The following TRPM1 variants were observed in gnomAD, a reference collection of about 807,000 sequenced individuals.
TRPM1 encodes transient receptor potential cation channel subfamily M member 1.
A neutral mutation model predicts 149.4 loss-of-function variants in TRPM1; 113 were observed. The ratio of observed to expected loss-of-function variants is 0.76; its 90% CI spans 0.65 to 0.88. The LOEUF (loss-of-function observed/expected upper bound fraction) is 0.88, where lower values mean the gene tolerates loss of function less well. TRPM1 is among the 40% of genes least tolerant of loss of function. TRPM1 has a pLI of 0.00. For synonymous variants in TRPM1, 741 were observed against 759.5 expected, an observed-to-expected ratio of 0.98 and a Z score of 0.40; for missense variants, 1,976 against 2,038.7, an observed-to-expected ratio of 0.97 and a Z score of 0.59.
At chr15:31,071,678 T>C (rs2034543025) in intron 3 of TRPM1, among the ~76,000 whole-genome samples, 2 of 151,992 alleles carry the variant, frequency 1.3e-5, no homozygotes, top group Admixed American at 1.3e-4. Flanking sequence ...AAGTATGTGA[T>C]TCAGGCCAGG....
chr15:31,063,159 C>T lies in TRPM1; in HGVS notation c.924G>A (p.Ser308=), dbSNP rs376610188. 2.8e-4 allele frequency: 458 copies of T among 1,614,078 alleles called. No homozygotes were observed. The highest frequency in any genetic ancestry group is 3.7e-4 in the Non-Finnish European group (438 of 1,180,048). Residue 308 remains serine (S), a synonymous_variant, in exon 8 of 28, where the codon TCG becomes TCA. Transcript: ENST00000256552. ...VVICDGSGRA[S]DILSFAHKYC... ...ACTTGTGCGCAAAGGACAGGATGTC[C>T]GAGGCACGTCCGCTGCCATCACAAA...
chr15:31,044,618 T>C (rs1030605189), intron 16 of TRPM1, among the ~76,000 whole-genome samples: 2 of 151,814 alleles, frequency 1.3e-5, no homozygotes, highest in African/African-American at 2.4e-5. Flanking sequence ...CCATCTCTAC[T>C]AAAAATGCAA....
chr15:31,095,863 G>A (rs1357965374), intron 1 of TRPM1, among the ~76,000 whole-genome samples: 3 of 151,728 alleles, frequency 2.0e-5, no homozygotes, highest in African/African-American at 7.3e-5. Flanking sequence ...GGCCAACGTG[G>A]TGAAACCCCA....
At chr15:31,156,654 C>A (rs533793180) in intron 1 of TRPM1, among the ~76,000 whole-genome samples, 73 of 152,290 alleles carry the variant, frequency 4.8e-4, no homozygotes, top group African/African-American at 1.7e-3. Context: ...GTATACCTCA[C>A]ATGTATTGAC....
intron 1 of TRPM1, among the ~76,000 whole-genome samples, chr15:31,127,853 G>A (rs933501971): frequency 2.6e-5 from 4 of 152,196 alleles, no homozygotes; most frequent in African/African-American, 4.8e-5. Flanking sequence ...ACAAGGACGC[G>A]AACCAGTGGG....
chr15:31,049,431 C>G lies in TRPM1; in HGVS notation c.1516G>C (p.Gly506Arg). ...GTCAGAAAGTGTTGCATGTTCACTC[C>G]GTTTTCAATCAGGAGCTTCACAAAG... ...VDFVKLLIEN[G>R]VNMQHFLTIP... Residue 506 changes from glycine (G) to arginine (R), a missense_variant, in exon 13 of 28, where the codon GGA (glycine) becomes CGA (arginine). This residue lies in a region of TRPM1 where 1,332 missense variants were observed against 1,347.1 expected (regional missense o/e 0.99). Transcript: ENST00000256552. 1 of 1,614,156 alleles carries G rather than the reference C, an allele frequency of 6.2e-7. No homozygotes were observed.
exon 1 of TRPM1, chr15:31,160,978 G>C (rs1002132635): frequency 2.3e-5 from 36 of 1,535,312 alleles, no homozygotes; most frequent in Non-Finnish European, 2.9e-5. Flanking sequence ...GTGAGCCTGT[G>C]AGCCACCCTG....
chr15:31,026,927 C>G lies in TRPM1; in HGVS notation c.3484G>C (p.Asp1162His). Reference protein sequence around the residue: ...KKREGDQEERDRGLKLFLSDE... With the variant: ...KKREGDQEERHRGLKLFLSDE... ...GCCCTGCACATACTCAATCCACGAT[C>G]CCGTTCCTCTTGGTCCCCTTCTCTC... The change falls in exon 26 of 28, where the codon GAT becomes CAT. Residue 1162 changes from aspartate (D) to histidine (H), a missense_variant. By Grantham distance (81) the Asp-to-His change is moderately conservative. Transcript: ENST00000256552. The G allele has an allele frequency of 6.2e-7, 1 of 1,613,986 alleles. No individual in the cohort carries two copies. The highest frequency in any genetic ancestry group is 8.5e-7 in the Non-Finnish European group (1 of 1,179,982).
At chr15:31,106,616 T>C (rs8030968), upstream of TRPM1, among the ~76,000 whole-genome samples, 61,360 of 152,074 alleles carry the variant, frequency 0.4, 13,041 homozygotes, top group East Asian at 0.72. Flanking sequence ...CATGGCTGCC[T>C]CTCATTTCTT....
chr15:31,039,317 CT>C (rs1364633762), intron 18 of TRPM1, among the ~76,000 whole-genome samples: 2 of 152,180 alleles, frequency 1.3e-5, no homozygotes, highest in Non-Finnish European at 2.9e-5. Context: ...ATTCTGAAAA[CT>C]GTTTATTAAT....
rs554089573 is a variant in TRPM1 at position 31,090,352 on chromosome 15, C to T, written c.-83-8914G>A. Among the ~76,000 whole-genome samples the T allele has an allele frequency of 4.6e-5, 7 of 152,204 alleles. No homozygotes were observed. In the East Asian group the frequency reaches 5.8e-4, roughly 13 times the overall value. ...TGGTATTTTCCATATGAAACTGCATCCTGGGGCTGGGCGTGGTGGCTCATG... is the reference window on the plus strand; with the variant it reads ...TGGTATTTTCCATATGAAACTGCATTCTGGGGCTGGGCGTGGTGGCTCATG... On this transcript the variant is annotated intron_variant, in intron 1 of 27. Transcript: ENST00000256552.
chr15:31,115,213 G>A lies in TRPM1; in HGVS notation c.55-38229C>T, dbSNP rs540607102. On this transcript the variant is annotated intron_variant, in intron 1 of 26. Transcript: ENST00000542188. ...GCGACCATGTCAGTGAGCCAAGATC[G>A]CGCCACTGCATTCCAGCCTGGGCAA... is the stretch of plus-strand genomic sequence containing the variant. Among the ~76,000 whole-genome samples, 57 of 152,176 alleles carry A rather than the reference G, an allele frequency of 3.7e-4. 1 individual carries two copies. The highest frequency in any genetic ancestry group is 6.5e-4 in the Non-Finnish European group (44 of 68,018).
intron 21 of TRPM1, 42 bp downstream of exon 21, chr15:31,035,504 G>C: frequency 6.2e-7 from 1 of 1,613,668 alleles, no homozygotes; most frequent in Middle Eastern, 1.7e-4. Context: ...TGCATTTGCA[G>C]TCAGCGGTTA....
intron 2 of TRPM1, among the ~76,000 whole-genome samples, chr15:31,079,998 C>T (rs1210719697): frequency 2.0e-5 from 3 of 152,008 alleles, no homozygotes; most frequent in African/African-American, 4.8e-5. Context: ...CTCTGGGGTC[C>T]CTTCAGCATG....
chr15:31,047,787 G>A, intron 14 of TRPM1, 102 bp downstream of exon 14: 5 of 947,122 alleles, frequency 5.3e-6, no homozygotes, highest in South Asian at 1.3e-5. Flanking sequence ...ATTATCTCCT[G>A]TGCCTGGAAT....
At position 31,081,315 on chromosome 15, in the gene TRPM1, AG is replaced by A. The variant is rs527556896; in HGVS notation, c.3+37del. On this transcript the variant is annotated intron_variant, in intron 2 of 27. Transcript: ENST00000256552. ...GACTAACGTACTTTCTCAGGGGGGG[AG>A]GGGGGGAAGGTGGAAGTGCTTTACT... 2.4e-3 allele frequency: 1,511 copies of A among 627,968 alleles called. 2 individuals are homozygous for A. Among genetic ancestry groups the A allele is most frequent in the Non-Finnish European group, 2.8e-3 (1,421 of 499,420 alleles). The allele number at this position is 627,968 out of a possible 1,614,324, so 38.9% of individuals were successfully genotyped here. A position where few individuals can be genotyped will look rare whatever the true frequency, so the allele number is the denominator to read the frequency against.
chr15:31,078,126 T>C (rs1164539570), intron 2 of TRPM1, among the ~76,000 whole-genome samples: 1 of 152,054 alleles, frequency 6.6e-6, no homozygotes, highest in Non-Finnish European at 1.5e-5. Flanking sequence ...ACAACTGCCA[T>C]GAGGAGTGCC....
chr15:31,008,154 G>A (rs1179127256), intron 27 of TRPM1, among the ~76,000 whole-genome samples: 2 of 152,140 alleles, frequency 1.3e-5, no homozygotes, highest in Non-Finnish European at 2.9e-5. Context: ...ATGGTTTTAT[G>A]TATTTATGTA....
intron 1 of TRPM1, among the ~76,000 whole-genome samples, chr15:31,116,671 C>T (rs1420148520): frequency 6.6e-6 from 1 of 151,926 alleles, no homozygotes; most frequent in Non-Finnish European, 1.5e-5. Context: ...ACCGGCATCA[C>T]CAGAGGCTTC....
Sources: allele counts gnomAD v4.1 joint callset (sites outside exome capture counted in the v4.1 genomes callset), GRCh38; gene constraint gnomAD v4.1.1; regional missense constraint gnomAD v4.1.1; transcripts MANE v1.5; gene names NCBI Gene and HGNC (gene_info 2026-07-23, HGNC 2026-07-21).